The following CHMP3 variants were observed in gnomAD, a reference collection of about 807,000 sequenced individuals.
CHMP3 encodes charged multivesicular body protein 3.
CHMP3 carries 8 observed loss-of-function variants against 27.4 expected under a neutral mutation model. The ratio of observed to expected loss-of-function variants is 0.29; its 90% CI spans 0.17 to 0.53. The LOEUF is 0.53. Among genes scored for constraint, CHMP3 ranks in the 20% least tolerant of loss-of-function variants. The probability of loss-of-function intolerance (pLI) is 0.96; values close to 1 mark genes in which losing one functional copy is unlikely to be tolerated. For synonymous variants in CHMP3, 86 were observed against 85.5 expected, an observed-to-expected ratio of 1.01 and a Z score of -0.03; for missense variants, 208 against 271.5, an observed-to-expected ratio of 0.77 and a Z score of 1.64.
At chr2:86,509,512 G>T (rs187519079) in intron 4 of CHMP3, among the ~76,000 whole-genome samples, 6 of 152,258 alleles carry the variant, frequency 3.9e-5, no homozygotes, top group Admixed American at 2.6e-4. Context: ...TGAGAGGAAG[G>T]GAGGTGATTT....
chr2:86,549,484 C>G (rs1377064173), intron 1 of CHMP3, among the ~76,000 whole-genome samples: 1 of 124,052 alleles, frequency 8.1e-6, no homozygotes, highest in African/African-American at 3.1e-5. Context: ...ACTTCCCAGA[C>G]GGGGCGGCCG....
intron 3 of CHMP3, among the ~76,000 whole-genome samples, chr2:86,514,288 T>C (rs1214027217): frequency 2.0e-5 from 3 of 152,228 alleles, no homozygotes; most frequent in Non-Finnish European, 4.4e-5. Context: ...TTTTCCGTTA[T>C]TTGCTGCTGA....
intron 3 of CHMP3, among the ~76,000 whole-genome samples, chr2:86,527,663 T>C (rs1320459404): frequency 6.6e-6 from 1 of 152,098 alleles, no homozygotes; most frequent in Non-Finnish European, 1.5e-5. Flanking sequence ...TAACATGGCA[T>C]TTAAAAGTGA....
intron 3 of CHMP3, among the ~76,000 whole-genome samples, chr2:86,520,768 A>T (rs544381690): frequency 4.3e-4 from 65 of 152,340 alleles, no homozygotes; most frequent in Non-Finnish European, 8.1e-4. Context: ...AAAGGTAGCT[A>T]GGTGGATGTA....
chr2:86,542,229 G>T (rs1480178907), intron 2 of CHMP3, 23 bp downstream of exon 2: 2 of 1,611,068 alleles, frequency 1.2e-6, no homozygotes, highest in Non-Finnish European at 8.5e-7. Flanking sequence ...GTGAAAAATA[G>T]AAGACATAAA....
rs370256030 is a variant in CHMP3, at chr2:86,505,920, T to G, written c.553A>C (p.Thr185Pro). 99 of 1,587,202 alleles carry G rather than the reference T, an allele frequency of 6.2e-5. No individual in the cohort carries two copies. The highest frequency in any genetic ancestry group is 7.5e-5 in the Non-Finnish European group (87 of 1,164,822). ...GGTTCTGGCTCTGGAAGGGCATCAGTCACTTTACTGGGTGCTTTGCCCAAG... is the reference window on the plus strand; with the variant it reads ...GGTTCTGGCTCTGGAAGGGCATCAGGCACTTTACTGGGTGCTTTGCCCAAG... Reference protein sequence around the residue: ...GALGKAPSKVTDALPEPEPPG... With the variant: ...GALGKAPSKVPDALPEPEPPG... The change falls in exon 6 of 6, where the codon ACT (threonine) becomes CCT (proline). Residue 185 changes from threonine to proline, a missense_variant. Around this residue, in one of 3 missense-constraint regions of CHMP3, gnomAD observed 62 missense variants for 68.4 expected, o/e 0.91. Coordinates refer to ENST00000263856, the MANE Select transcript of CHMP3 (RefSeq NM_016079.4).
chr2:86,554,014 C>T (rs931359757), intron 1 of CHMP3, among the ~76,000 whole-genome samples: 3 of 152,166 alleles, frequency 2.0e-5, no homozygotes, highest in Non-Finnish European at 4.4e-5. Context: ...TATCAGGAGG[C>T]GGTGCCTTTT....
intron 3 of CHMP3, chr2:86,526,936 CTATAG>C (rs1231314721): frequency 6.6e-6 from 1 of 151,912 alleles, no homozygotes; most frequent in African/African-American, 2.4e-5. Flanking sequence ...AGAATGGTAT[CTATAG>C]TATGATACCA....
intron 3 of CHMP3, among the ~76,000 whole-genome samples, chr2:86,518,003 G>A (rs1470555624): frequency 6.6e-6 from 1 of 152,160 alleles, no homozygotes; most frequent in Non-Finnish European, 1.5e-5. Flanking sequence ...CTGGGCAACA[G>A]ACCCTATCTC....
chr2:86,554,318 AAAAATTTT>A (rs1558662619), intron 1 of CHMP3, among the ~76,000 whole-genome samples: 5 of 152,226 alleles, frequency 3.3e-5, no homozygotes, highest in Non-Finnish European at 5.9e-5. Context: ...CTAAAAATTT[AAAAATTTT>A]CATAATAAAA....
Position 86,563,412 on chromosome 2 carries a change from C to T in CHMP3, c.-64G>A, listed in dbSNP as rs1034132565. The stretch of plus-strand genomic sequence containing the variant: ...TCCCCGCGCCCAGGCAGGTCACGGG[C>T]AGCCGCCTGGGCGGGGCCCGCGGAA... On this transcript the variant is annotated 5_prime_UTR_variant, in exon 1 of 6. Transcript: ENST00000263856. The T allele has an allele frequency of 3.2e-6, 5 of 1,587,044 alleles. No homozygotes were observed. The highest frequency in any genetic ancestry group is 1.3e-5 in the African/African-American group (1 of 74,666).
chr2:86,505,741 A>C lies in CHMP3; in HGVS notation c.*63T>G. 1 of 1,428,258 alleles carries C rather than the reference A, an allele frequency of 7.0e-7. No individual in the cohort carries two copies. The highest frequency in any genetic ancestry group is 1.5e-5 in the South Asian group (1 of 64,586). The allele number at this position is 1,428,258 out of a possible 1,614,324, so 88.5% of individuals were successfully genotyped here. On this transcript the variant is annotated 3_prime_UTR_variant, in exon 6 of 6. Transcript: ENST00000263856. ...GTCCTCACAACAGAGGTGTAGTGCAAGAGACACATAAAATGGCAGCTCTTG... is the reference window on the plus strand; with the variant it reads ...GTCCTCACAACAGAGGTGTAGTGCACGAGACACATAAAATGGCAGCTCTTG...
chr2:86,533,663 C>G lies in CHMP3; in HGVS notation c.107-4266G>C, dbSNP rs1262877164. Reference sequence around the variant, plus strand: ...CTGCGACTACCCACAGACCACAGCACCTAGCTAACTTTTGTATTTTTGATA... The same window carrying G: ...CTGCGACTACCCACAGACCACAGCAGCTAGCTAACTTTTGTATTTTTGATA... On this transcript the variant is annotated intron_variant, in intron 2 of 5. Coordinates refer to ENST00000263856, the MANE Select transcript of CHMP3 (RefSeq NM_016079.4). 2.0e-5 allele frequency among the ~76,000 whole-genome samples: 3 copies of G among 152,134 alleles called. No individual in the cohort carries two copies. The East Asian group carries it at 5.8e-4, about 29-fold the overall frequency.
At chr2:86,538,415 T>C (rs975751887) in intron 2 of CHMP3, among the ~76,000 whole-genome samples, 1 of 152,120 alleles carries the variant, frequency 6.6e-6, no homozygotes, top group Non-Finnish European at 1.5e-5. Flanking sequence ...ATGGTTAAGA[T>C]GGTCAGCTTT....
chr2:86,553,969 T>A (rs1002891076), intron 1 of CHMP3, among the ~76,000 whole-genome samples: 2 of 152,228 alleles, frequency 1.3e-5, no homozygotes, highest in South Asian at 4.1e-4. Context: ...TGTCCCCAAA[T>A]TCGTATGTTG....
intron 1 of CHMP3, among the ~76,000 whole-genome samples, chr2:86,546,738 G>A (rs1005910152): frequency 3.9e-5 from 6 of 152,100 alleles, no homozygotes; most frequent in Middle Eastern, 3.2e-3. Context: ...GCACCCAGCC[G>A]AAGTTGGACA....
At chr2:86,542,027 A>T (rs1676379537) in intron 2 of CHMP3, among the ~76,000 whole-genome samples, 1 of 152,158 alleles carries the variant, frequency 6.6e-6, no homozygotes, top group Admixed American at 6.5e-5. Context: ...CTTTATAAGT[A>T]GCAAGAGGTT....
intron 1 of CHMP3, among the ~76,000 whole-genome samples, chr2:86,546,484 C>G (rs1236464353): frequency 6.7e-6 from 1 of 149,856 alleles, no homozygotes; most frequent in African/African-American, 2.5e-5. Context: ...GTTGGCCAGG[C>G]TGGAGTACAG....
At chr2:86,555,176 T>C (rs1677072693) in intron 1 of CHMP3, among the ~76,000 whole-genome samples, 1 of 152,158 alleles carries the variant, frequency 6.6e-6, no homozygotes, top group African/African-American at 2.4e-5. Flanking sequence ...CATAGATTTA[T>C]ACAATCAAAC....
Sources: gnomAD v4.1 joint callset for allele counts (sites outside exome capture counted in the v4.1 genomes callset) on GRCh38, gnomAD v4.1.1 for gene constraint, gnomAD v4.1.1 regional missense constraint, MANE v1.5 for transcripts, NCBI Gene and HGNC (gene_info 2026-07-23, HGNC 2026-07-21) for gene names.